The following FRMPD2 variants were observed in gnomAD, a reference collection of about 807,000 sequenced individuals.
FRMPD2 encodes the protein FERM and PDZ domain-containing protein 2.
In FRMPD2, 96 loss-of-function variants were observed where a neutral mutation model predicts 140.1. The ratio of observed to expected loss-of-function variants is 0.69; its 90% CI spans 0.58 to 0.81. The LOEUF (loss-of-function observed/expected upper bound fraction) is 0.81. Among genes scored for constraint, FRMPD2 ranks in the 40% least tolerant of loss-of-function variants. FRMPD2 has a pLI of 0.00. For missense variants in FRMPD2, 1,240 were observed against 1,447.4 expected, an observed-to-expected ratio of 0.86 and a Z score of 2.32; for synonymous variants, 449 against 547.6, an observed-to-expected ratio of 0.82 and a Z score of 2.52.
At chr10:48,250,385 A>G (rs1257297207) in intron 2 of FRMPD2, among the ~76,000 whole-genome samples, 2 of 152,138 alleles carry the variant, frequency 1.3e-5, no homozygotes, top group Non-Finnish European at 2.9e-5. Flanking sequence ...TAGGAGACCC[A>G]CTAGCATTTT....
chr10:48,239,228 C>G (rs1217341236), intron 7 of FRMPD2, among the ~76,000 whole-genome samples: 1 of 152,216 alleles, frequency 6.6e-6, no homozygotes, highest in Non-Finnish European at 1.5e-5. Flanking sequence ...CCTAAATGAC[C>G]AACTCACAGA....
intron 13 of FRMPD2, 100 bp from the exon 14 acceptor site, chr10:48,207,033 T>A (rs1410393583): frequency 3.0e-6 from 3 of 1,015,900 alleles, no homozygotes; most frequent in Non-Finnish European, 4.2e-6. Flanking sequence ...ATAGGCGTTC[T>A]GAAAAGAAAG....
intron 1 of FRMPD2, among the ~76,000 whole-genome samples, chr10:48,263,652 T>G (rs1840634060): frequency 6.6e-6 from 1 of 152,134 alleles, no homozygotes; most frequent in Non-Finnish European, 1.5e-5. Context: ...GAATTAATAA[T>G]TAATGGCCTT....
At chr10:48,262,806 G>A (rs114936897) in intron 1 of FRMPD2, among the ~76,000 whole-genome samples, 1,656 of 152,062 alleles carry the variant, frequency 0.011, 35 homozygotes, top group African/African-American at 0.038. Context: ...ACAGGTTCTT[G>A]CCCTGTTGCC....
intron 21 of FRMPD2, among the ~76,000 whole-genome samples, chr10:48,179,485 C>T (rs1554792449): frequency 2.6e-5 from 4 of 151,376 alleles, no homozygotes; most frequent in East Asian, 1.9e-4. Context: ...CTTACATACT[C>T]CTGCTTTTTG....
chr10:48,188,281 C>T (rs975385333), intron 16 of FRMPD2, among the ~76,000 whole-genome samples: 1 of 152,168 alleles, frequency 6.6e-6, no homozygotes, highest in Non-Finnish European at 1.5e-5. Context: ...CACCAGGGCT[C>T]TCTCTGCAGG....
rs750059920 is a variant in FRMPD2, at chr10:48,201,410, A to C, written c.1798-26T>G. The C allele has an allele frequency of 2.5e-6, 4 of 1,609,996 alleles. No individual in the cohort carries two copies. The African/African-American group carries it at 4.0e-5, about 16-fold the overall frequency. Reference sequence around the variant, plus strand: ...CTGAAGGAAGCAAACACAGACTTTAATACACTGATCATCCACAACCCTCCA... The same window carrying C: ...CTGAAGGAAGCAAACACAGACTTTACTACACTGATCATCCACAACCCTCCA... On this transcript the variant is annotated intron_variant, in intron 14 of 28. Coordinates refer to ENST00000374201, the MANE Select transcript of FRMPD2 (RefSeq NM_001018071.4).
At chr10:48,214,908 T>A (rs1348984353) in intron 12 of FRMPD2, among the ~76,000 whole-genome samples, 1 of 152,196 alleles carries the variant, frequency 6.6e-6, no homozygotes, top group Non-Finnish European at 1.5e-5. Flanking sequence ...GGAGGACATG[T>A]ACCATTGAGT....
chr10:48,236,396 GACCCCA>G, intron 9 of FRMPD2, 80 bp downstream of exon 9: 1 of 1,097,328 alleles, frequency 9.1e-7, no homozygotes, highest in Non-Finnish European at 1.4e-6. Flanking sequence ...TCCCATGTGA[GACCCCA>G]TTCAGACACA....
intron 12 of FRMPD2, among the ~76,000 whole-genome samples, chr10:48,220,192 A>G (rs1369499287): frequency 1.3e-5 from 2 of 152,242 alleles, no homozygotes; most frequent in Admixed American, 1.3e-4. Flanking sequence ...AAACTACACC[A>G]TAAGGCCATA....
intron 1 of FRMPD2, among the ~76,000 whole-genome samples, chr10:48,255,139 C>G (rs1047469889): frequency 2.6e-5 from 4 of 152,164 alleles, no homozygotes; most frequent in African/African-American, 9.7e-5. Context: ...CCAGATCTCA[C>G]CTACATAGAC....
intron 12 of FRMPD2, among the ~76,000 whole-genome samples, chr10:48,219,586 T>A (rs1411355151): frequency 6.6e-6 from 1 of 152,168 alleles, no homozygotes; most frequent in African/African-American, 2.4e-5. Flanking sequence ...GGGAAGTGCT[T>A]CATAAACCCC....
chr10:48,223,152 C>G lies in FRMPD2; in HGVS notation c.1287G>C (p.Lys429Asn), dbSNP rs1192765619. The G allele has an allele frequency of 1.2e-6, 2 of 1,614,000 alleles. No individual in the cohort carries two copies. Among genetic ancestry groups the G allele is most frequent in the Non-Finnish European group, 1.7e-6 (2 of 1,179,894 alleles). The change falls in exon 11 of 29, where the codon AAG (lysine) becomes AAC (asparagine). Residue 429 changes from lysine (K) to asparagine (N), a missense_variant. Lys to Asn is a moderately conservative substitution (Grantham distance 94). Coordinates refer to ENST00000374201, the MANE Select transcript of FRMPD2 (RefSeq NM_001018071.4). ...MNTFTLFLRI[K>N]FFVSHYGLLQ... ...GCAGCCCATAGTGGCTGACAAAGAA[C>G]TTTATCCTCAGGAAGAGTGTGAAGG...
Position 48,242,370 on chromosome 10 carries a change from C to T in FRMPD2, c.376-18G>A, listed in dbSNP as rs376727494. ...TGCAGGGGCTGGAGGCAGACAGGGC[C>T]GGTGAGAGGAGAGAGCAGCCAGAGC... On this transcript the variant is annotated intron_variant, in intron 4 of 28. Transcript: ENST00000374201. 98 of 1,605,204 alleles carry T rather than the reference C, an allele frequency of 6.1e-5. No homozygotes were observed. The Middle Eastern group carries it at 1.2e-3, about 19-fold the overall frequency.
At chr10:48,266,007 T>C (rs1429024627) in intron 1 of FRMPD2, among the ~76,000 whole-genome samples, 3 of 152,132 alleles carry the variant, frequency 2.0e-5, no homozygotes, top group Admixed American at 6.6e-5. Context: ...AAATGTAGTA[T>C]ATATACACCA....
intron 12 of FRMPD2, among the ~76,000 whole-genome samples, chr10:48,217,794 GTTATA>G (rs1329061507): frequency 2.0e-5 from 3 of 152,294 alleles, no homozygotes; most frequent in Non-Finnish European, 2.9e-5. Flanking sequence ...AGGCAGGCAA[GTTATA>G]ACCAAGGTCA....
intron 9 of FRMPD2, among the ~76,000 whole-genome samples, chr10:48,234,047 T>G (rs147914713): frequency 1.3e-5 from 2 of 152,198 alleles, no homozygotes; most frequent in Non-Finnish European, 2.9e-5. Flanking sequence ...CGCATCTCCA[T>G]GCAAAGGGTG....
chr10:48,168,127 T>C (rs1254896257), intron 27 of FRMPD2, among the ~76,000 whole-genome samples: 67 of 142,864 alleles, frequency 4.7e-4, no homozygotes, highest in Middle Eastern at 3.5e-3. Flanking sequence ...CTGACTAATA[T>C]ATGTGTCAAG....
At chr10:48,243,680 C>T (rs116638146) in intron 4 of FRMPD2, among the ~76,000 whole-genome samples, 152 of 152,286 alleles carry the variant, frequency 1.0e-3, no homozygotes, top group African/African-American at 2.7e-3. Context: ...GGCAACCCCA[C>T]GGCCAGTGAG....
Sources: gnomAD v4.1 joint callset for allele counts (sites outside exome capture counted in the v4.1 genomes callset) on GRCh38, gnomAD v4.1.1 for gene constraint, MANE v1.5 for transcripts, NCBI Gene and HGNC (gene_info 2026-07-23, HGNC 2026-07-21) for gene names.